Variants in APBB1IP observed in about 807,000 individuals in gnomAD.
The protein encoded by APBB1IP is amyloid beta precursor protein binding family B member 1 interacting protein, also known as amyloid beta A4 precursor protein-binding family B member 1-interacting protein.
In APBB1IP, 27 loss-of-function variants were observed where a neutral mutation model predicts 64.9. The ratio of observed to expected loss-of-function variants is 0.42; its 90% CI spans 0.31 to 0.57. APBB1IP has a LOEUF of 0.57. Ranked by LOEUF, APBB1IP falls within the 20% of genes least tolerant of loss-of-function variation. The pLI is 0.20. For synonymous variants in APBB1IP, 392 were observed against 331.0 expected, an observed-to-expected ratio of 1.18 and a Z score of -2.00; for missense variants, 812 against 845.5, an observed-to-expected ratio of 0.96 and a Z score of 0.49.
rs765386591 is a variant in APBB1IP, at chr10:26,500,940, T to A, written c.282T>A (p.His94Gln). The A allele has an allele frequency of 2.5e-6, 4 of 1,614,164 alleles. No homozygotes were observed. In the Admixed American group the frequency reaches 6.7e-5, roughly 27 times the overall value. Residue 94 changes from histidine (H) to glutamine (Q), a missense_variant, in exon 5 of 15, where the codon CAT becomes CAA. Physicochemically the swap from His to Gln is conservative, Grantham distance 24. This residue lies in a region of APBB1IP where 394 missense variants were observed against 413.1 expected (regional missense o/e 0.95). Transcript: ENST00000376236. ...QAQKESLQNQ[H>Q]HSASLQASIF... ...AGAAAGAGTCCTTGCAGAATCAACATCATTCAGCATCTCTACAAGCATCAA... is the reference window on the plus strand; with the variant it reads ...AGAAAGAGTCCTTGCAGAATCAACAACATTCAGCATCTCTACAAGCATCAA...
intron 4 of APBB1IP, among the ~76,000 whole-genome samples, chr10:26,496,927 C>T (rs1836032619): frequency 6.6e-6 from 1 of 152,026 alleles, no homozygotes; most frequent in African/African-American, 2.4e-5. Context: ...ATGGCTCACA[C>T]CTGTGATCCC....
chr10:26,565,969 AGAGT>A (rs1428880478), intron 14 of APBB1IP, among the ~76,000 whole-genome samples: 1 of 152,196 alleles, frequency 6.6e-6, no homozygotes, highest in African/African-American at 2.4e-5. Context: ...CTTTAATCCC[AGAGT>A]TAGTTTTTAA....
At chr10:26,564,510 A>T (rs1222706839) in intron 14 of APBB1IP, among the ~76,000 whole-genome samples, 1 of 152,200 alleles carries the variant, frequency 6.6e-6, no homozygotes, top group Non-Finnish European at 1.5e-5. Flanking sequence ...GCAGTTGAGA[A>T]ATGGTAAACT....
rs1836305719 is a variant in APBB1IP, at chr10:26,514,945, C to T, written c.813+1285C>T. On this transcript the variant is annotated intron_variant, in intron 8 of 14. Coordinates refer to ENST00000376236, the MANE Select transcript of APBB1IP (RefSeq NM_019043.4). ...GGAGTGCAGTGGTGCAATCTCGGCT[C>T]ACTGAAACCTCTGCCTCCCGGGTTC... 4.6e-5 allele frequency among the ~76,000 whole-genome samples: 7 copies of T among 151,906 alleles called. No homozygotes were observed. In the South Asian group the frequency reaches 1.5e-3, roughly 32 times the overall value.
At chr10:26,441,811 T>C (rs1835340946) in intron 2 of APBB1IP, among the ~76,000 whole-genome samples, 1 of 152,234 alleles carries the variant, frequency 6.6e-6, no homozygotes, top group African/African-American at 2.4e-5. Context: ...AGAGCTATTT[T>C]CTTTCTTCTC....
At chr10:26,491,402 T>C (rs890106084) in intron 2 of APBB1IP, among the ~76,000 whole-genome samples, 6 of 152,210 alleles carry the variant, frequency 3.9e-5, no homozygotes, top group South Asian at 2.1e-4. Context: ...ATAATGCTAG[T>C]TAAGTGGCCA....
At chr10:26,442,197 G>T (rs1339577156) in intron 2 of APBB1IP, among the ~76,000 whole-genome samples, 1 of 152,178 alleles carries the variant, frequency 6.6e-6, no homozygotes, top group African/African-American at 2.4e-5. Context: ...CACGGGAGAA[G>T]GTTGAATAGA....
chr10:26,561,811 C>T (rs530330239), intron 13 of APBB1IP: 4 of 152,254 alleles, frequency 2.6e-5, no homozygotes, highest in South Asian at 2.1e-4. Context: ...ACATTTTGCC[C>T]GAATTTCTGT....
chr10:26,453,115 A>C (rs2184564), intron 2 of APBB1IP, among the ~76,000 whole-genome samples: 56,077 of 152,086 alleles, frequency 0.37, 10,409 homozygotes, highest in South Asian at 0.5. Flanking sequence ...AGATTAAAAA[A>C]TGTCTATAAA....
At chr10:26,549,231 A>AT (rs1007812921) in intron 11 of APBB1IP, among the ~76,000 whole-genome samples, 1 of 152,008 alleles carries the variant, frequency 6.6e-6, no homozygotes, top group Non-Finnish European at 1.5e-5. Context: ...GATTGCTAGT[A>AT]TTTTTTTGAG....
intron 11 of APBB1IP, among the ~76,000 whole-genome samples, chr10:26,556,463 G>A (rs1836896170): frequency 6.6e-6 from 1 of 152,160 alleles, no homozygotes; most frequent in South Asian, 2.1e-4. Flanking sequence ...TACATCCATA[G>A]CACACATATA....
At chr10:26,531,777 A>T (rs1274430651) in intron 8 of APBB1IP, among the ~76,000 whole-genome samples, 3 of 152,092 alleles carry the variant, frequency 2.0e-5, no homozygotes, top group Non-Finnish European at 4.4e-5. Flanking sequence ...TGTCCAGTAC[A>T]CTTGATTCTC....
Position 26,562,389 on chromosome 10 carries a change from C to T in APBB1IP, c.1433C>T (p.Ala478Val). Residue 478 changes from alanine (A) to valine (V), a missense_variant, in exon 14 of 15, where the codon GCT becomes GTT. Ala to Val is a moderately conservative substitution (Grantham distance 64). Around this residue, in one of 3 missense-constraint regions of APBB1IP, gnomAD observed 381 missense variants for 352.1 expected, o/e 1.08. Transcript: ENST00000376236. ...QIPQATHSVS[A>V]VLQEAQRHAE... ...CCCCAGGCTACACATTCTGTCAGTG[C>T]TGTTCTCCAAGAGGCCCAGAGACAT... 1 of 1,614,028 alleles carries T rather than the reference C, an allele frequency of 6.2e-7. No homozygotes were observed. The highest frequency in any genetic ancestry group is 8.5e-7 in the Non-Finnish European group (1 of 1,179,942).
chr10:26,550,118 C>T (rs760219513), intron 11 of APBB1IP, among the ~76,000 whole-genome samples: 1 of 151,896 alleles, frequency 6.6e-6, no homozygotes, highest in Non-Finnish European at 1.5e-5. Flanking sequence ...AAGTCTGCTG[C>T]CAGGCATATT....
rs746421669 is a variant in APBB1IP, at chr10:26,511,821, T to C, written c.606T>C (p.Asp202=). ...TGGATGAGCGGCAGCTGGCCCGAGA[T>C]GTTCTGGACAACCTTTTCGAGAAAA... ...LMVDERQLAR[D]VLDNLFEKTH... The change falls in exon 7 of 15, where the codon GAT becomes GAC. Residue 202 remains aspartate, a synonymous_variant. Transcript: ENST00000376236. 6.2e-7 allele frequency: 1 copy of C among 1,614,154 alleles called. No homozygotes were observed. Among genetic ancestry groups the C allele is most frequent in the Non-Finnish European group, 8.5e-7 (1 of 1,180,026 alleles).
Position 26,548,306 on chromosome 10 carries a change from T to TC in APBB1IP, c.1155+6614_1155+6615insC, listed in dbSNP as rs764914416. Among the ~76,000 whole-genome samples the TC allele has an allele frequency of 3.6e-3, 553 of 151,848 alleles. 4 individuals are homozygous for TC. Among genetic ancestry groups the TC allele is most frequent in the Non-Finnish European group, 4.2e-3 (285 of 67,930 alleles). ...CACCCATTAACTCGTCATTTAACAT[T>TC]AGGTATGTCTCCTAATGCTATCCCT... On this transcript the variant is annotated intron_variant, in intron 11 of 14. Transcript: ENST00000376236.
At chr10:26,555,456 A>G (rs1203728504) in intron 11 of APBB1IP, among the ~76,000 whole-genome samples, 2 of 152,130 alleles carry the variant, frequency 1.3e-5, no homozygotes, top group Non-Finnish European at 2.9e-5. Flanking sequence ...CCCATTTTCA[A>G]ACTTTTAGTA....
intron 2 of APBB1IP, among the ~76,000 whole-genome samples, chr10:26,446,185 C>T (rs1257142456): frequency 6.6e-6 from 1 of 152,158 alleles, no homozygotes; most frequent in Non-Finnish European, 1.5e-5. Context: ...AGTAAATTTA[C>T]CTATGGCCAC....
In APBB1IP at chr10:26,501,107, C is replaced by T; in HGVS notation, c.449C>T (p.Ser150Phe). The T allele has an allele frequency of 6.2e-7, 1 of 1,614,208 alleles. No individual in the cohort carries two copies. ...CCACCACCACCTCCTGAACCTCTCT[C>T]TCAGGTAAGTATGTGGGACCAGAGA... Reference protein sequence around the residue: ...PLPPPPPEPLSQEEEEAQAKA... With the variant: ...PLPPPPPEPLFQEEEEAQAKA... The change falls in exon 5 of 15, where the codon TCT (serine) becomes TTT (phenylalanine). Residue 150 changes from serine (S) to phenylalanine (F), a missense_variant. Ser to Phe is a radical substitution (Grantham distance 155). Around this residue, in one of 3 missense-constraint regions of APBB1IP, gnomAD observed 394 missense variants for 413.1 expected, o/e 0.95. Transcript: ENST00000376236.
Sources: allele counts gnomAD v4.1 joint callset (sites outside exome capture counted in the v4.1 genomes callset), GRCh38; gene constraint gnomAD v4.1.1; regional missense constraint gnomAD v4.1.1; transcripts MANE v1.5; gene names NCBI Gene and HGNC (gene_info 2026-07-23, HGNC 2026-07-21).